Variants in SESTD1 observed in about 807,000 individuals in gnomAD.
SESTD1 encodes SEC14 domain and spectrin repeat-containing protein 1.
A neutral mutation model predicts 101.7 loss-of-function variants in SESTD1; 43 were observed. The ratio of observed to expected loss-of-function variants is 0.42; its 90% CI spans 0.33 to 0.55. SESTD1 has a LOEUF of 0.55. Ranked by LOEUF, SESTD1 falls within the 20% of genes least tolerant of loss-of-function variation. The pLI is 0.07. For missense variants in SESTD1, 647 were observed against 815.1 expected, an observed-to-expected ratio of 0.79 and a Z score of 2.51; for synonymous variants, 283 against 286.8, an observed-to-expected ratio of 0.99 and a Z score of 0.13.
At chr2:179,205,503 C>T (rs999616845) in intron 1 of SESTD1, among the ~76,000 whole-genome samples, 1 of 134,746 alleles carries the variant, frequency 7.4e-6, no homozygotes, top group Non-Finnish European at 1.6e-5. Context: ...TTTAGTTTCT[C>T]GGTCTAGATT....
chr2:179,196,352 A>C (rs938653076), intron 1 of SESTD1, among the ~76,000 whole-genome samples: 2 of 152,204 alleles, frequency 1.3e-5, no homozygotes, highest in African/African-American at 4.8e-5. Context: ...TCTGAGATCA[A>C]ACTGCAAGGT....
intron 1 of SESTD1, among the ~76,000 whole-genome samples, chr2:179,251,744 T>C (rs1231050582): frequency 6.6e-6 from 1 of 152,218 alleles, no homozygotes; most frequent in African/African-American, 2.4e-5. Flanking sequence ...AGTATCCTTA[T>C]AAAAGAAATC....
chr2:179,151,478 TATGCAATA>T, intron 5 of SESTD1, 87 bp from the exon 6 acceptor site: 3 of 770,104 alleles, frequency 3.9e-6, no homozygotes, highest in Non-Finnish European at 6.0e-6. Context: ...TAGGTTAAAA[TATGCAATA>T]TTGTTTCCAA....
chr2:179,215,515 A>C (rs2105521114), intron 1 of SESTD1, among the ~76,000 whole-genome samples: 1 of 133,984 alleles, frequency 7.5e-6, no homozygotes, highest in East Asian at 2.0e-4. Context: ...ACCAACCAAA[A>C]AAAAGTCCAG....
At chr2:179,121,147 TTGA>T (rs150356001) in intron 13 of SESTD1, among the ~76,000 whole-genome samples, 8,428 of 152,296 alleles carry the variant, frequency 0.055, 297 homozygotes, top group South Asian at 0.09. Context: ...TGAAGTTTTG[TTGA>T]TGATCATAAA....
intron 9 of SESTD1, among the ~76,000 whole-genome samples, chr2:179,138,165 C>G (rs866465475): frequency 6.6e-6 from 1 of 152,164 alleles, no homozygotes; most frequent in African/African-American, 2.4e-5. Context: ...ACCATCATCA[C>G]CATCATTATA....
intron 5 of SESTD1, among the ~76,000 whole-genome samples, chr2:179,157,867 T>C (rs1425919341): frequency 1.3e-5 from 2 of 152,194 alleles, no homozygotes; most frequent in East Asian, 3.8e-4. Context: ...CTCTGCAATA[T>C]TCCAGAGACA....
chr2:179,159,821 C>A (rs1246359751), intron 5 of SESTD1, among the ~76,000 whole-genome samples: 1 of 151,420 alleles, frequency 6.6e-6, no homozygotes, highest in Admixed American at 6.6e-5. Flanking sequence ...TGTTCTATGA[C>A]CCGGCAAAGA....
rs547685044 is a variant in SESTD1 at position 179,230,852 on chromosome 2, T to C, written c.-26+33647A>G. Among the ~76,000 whole-genome samples the C allele has an allele frequency of 1.1e-4, 17 of 152,066 alleles. No homozygotes were observed. The East Asian group carries it at 1.3e-3, about 12-fold the overall frequency. On this transcript the variant is annotated intron_variant, in intron 1 of 17. Transcript: ENST00000428443. ...GAACCCACTAATGTAGCAAGGAAAA[T>C]TGACCTGTTAAAATCAATTCTAAAA...
Position 179,143,602 on chromosome 2 carries a change from T to C in SESTD1, c.839A>G (p.Lys280Arg). The change falls in exon 9 of 18, where the codon AAG (lysine) becomes AGG (arginine). Residue 280 changes from lysine (K) to arginine (R), a missense_variant. By Grantham distance (26) the Lys-to-Arg change is conservative. Coordinates refer to ENST00000428443, the MANE Select transcript of SESTD1 (RefSeq NM_178123.5). ...AAATCAGACACCTACCTGCATTACCTTCTGTTGAATCTCTTCTAACTGTGT... is the reference window on the plus strand; with the variant it reads ...AAATCAGACACCTACCTGCATTACCCTCTGTTGAATCTCTTCTAACTGTGT... ...KRTQLEEIQQKVMQVVNWLEG... is the reference protein window; with the variant it reads ...KRTQLEEIQQRVMQVVNWLEG... The C allele has an allele frequency of 6.2e-7, 1 of 1,613,826 alleles. No homozygotes were observed. The highest frequency in any genetic ancestry group is 1.3e-5 in the African/African-American group (1 of 75,038).
intron 15 of SESTD1, among the ~76,000 whole-genome samples, chr2:179,115,590 T>C (rs1341090478): frequency 6.6e-6 from 1 of 151,246 alleles, no homozygotes; most frequent in African/African-American, 2.4e-5. Flanking sequence ...TCTAAAAAAA[T>C]GAAAAAAATT....
intron 1 of SESTD1, among the ~76,000 whole-genome samples, chr2:179,199,788 T>G (rs1408078959): frequency 6.6e-6 from 1 of 152,178 alleles, no homozygotes; most frequent in Non-Finnish European, 1.5e-5. Flanking sequence ...ATAAATTAGG[T>G]ATTGATGGGA....
At chr2:179,236,484 G>A (rs2047068262) in intron 1 of SESTD1, among the ~76,000 whole-genome samples, 1 of 151,996 alleles carries the variant, frequency 6.6e-6, no homozygotes, top group African/African-American at 2.4e-5. Flanking sequence ...GCAACACAGA[G>A]AGATCCTGTA....
intron 5 of SESTD1, among the ~76,000 whole-genome samples, chr2:179,153,137 A>C (rs541918245): frequency 6.6e-6 from 1 of 152,336 alleles, no homozygotes; most frequent in South Asian, 2.1e-4. Context: ...AATACCTATA[A>C]ACTCAGAAGA....
At chr2:179,114,236 T>G (rs780964204) in intron 16 of SESTD1, among the ~76,000 whole-genome samples, 4 of 152,172 alleles carry the variant, frequency 2.6e-5, no homozygotes, top group Non-Finnish European at 5.9e-5. Context: ...TGAGAATGAG[T>G]TAACTATGGA....
intron 9 of SESTD1, among the ~76,000 whole-genome samples, chr2:179,141,928 A>G (rs1436364122): frequency 1.3e-5 from 2 of 152,226 alleles, no homozygotes; most frequent in Admixed American, 6.5e-5. Flanking sequence ...TCTCCAGTTT[A>G]TATGTGGTTA....
chr2:179,247,383 A>G (rs1316975168), intron 1 of SESTD1, among the ~76,000 whole-genome samples: 1 of 152,172 alleles, frequency 6.6e-6, no homozygotes. Context: ...ACTCAGCTTT[A>G]GAAGATGGAA....
At chr2:179,172,308 C>G in intron 4 of SESTD1, 75 bp from the exon 5 acceptor site, 1 of 998,310 alleles carries the variant, frequency 1.0e-6, no homozygotes, top group South Asian at 1.8e-5. Flanking sequence ...AATTACCAGA[C>G]AGTCAAGATT....
In SESTD1 at chr2:179,114,275, CAGAT is replaced by C. The variant is rs1435312388; in HGVS notation, c.1839+786_1839+789del. On this transcript the variant is annotated intron_variant, in intron 16 of 17. Transcript: ENST00000428443. Reference sequence around the variant, plus strand: ...TTCCCAACAGATGTACTTCATAACTCAGATAGAAACTTTAATTCCTGAGGTTCCT... The same window carrying C: ...TTCCCAACAGATGTACTTCATAACTCAGAAACTTTAATTCCTGAGGTTCCT... Among the ~76,000 whole-genome samples the C allele has an allele frequency of 2.6e-5, 4 of 152,144 alleles. No homozygotes were observed. The South Asian group carries it at 6.2e-4, about 24-fold the overall frequency.
Sources: allele counts gnomAD v4.1 joint callset (sites outside exome capture counted in the v4.1 genomes callset), GRCh38; gene constraint gnomAD v4.1.1; transcripts MANE v1.5; gene names NCBI Gene and HGNC (gene_info 2026-07-23, HGNC 2026-07-21).